RAB11FIP4: variants seen among roughly 807,000 people sequenced by gnomAD.
RAB11FIP4 encodes RAB11 family interacting protein 4, also known as rab11 family-interacting protein 4.
In RAB11FIP4, 23 loss-of-function variants were observed where a neutral mutation model predicts 74.3. That is an observed-to-expected ratio of 0.31 (90% CI 0.22 to 0.44). RAB11FIP4 has a LOEUF of 0.44. RAB11FIP4 is among the 20% of genes least tolerant of loss of function. The pLI, the probability that RAB11FIP4 is intolerant of heterozygous loss-of-function variation, is 1.00. For synonymous variants in RAB11FIP4, 360 were observed against 359.9 expected, an observed-to-expected ratio of 1.00 and a Z score of 0.00; for missense variants, 630 against 863.9, an observed-to-expected ratio of 0.73 and a Z score of 3.39.
intron 3 of RAB11FIP4, among the ~76,000 whole-genome samples, chr17:31,460,891 C>T (rs761788037): frequency 5.9e-5 from 9 of 152,028 alleles, no homozygotes; most frequent in African/African-American, 1.2e-4. Flanking sequence ...CCACCACGCC[C>T]GGCCATGTGT....
intron 3 of RAB11FIP4, among the ~76,000 whole-genome samples, chr17:31,513,862 C>T (rs1311983650): frequency 6.6e-6 from 1 of 152,140 alleles, no homozygotes; most frequent in Non-Finnish European, 1.5e-5. Flanking sequence ...CCTGCAGGCC[C>T]TCTGTGAACT....
intron 1 of RAB11FIP4, among the ~76,000 whole-genome samples, chr17:31,419,727 T>A (rs976666520): frequency 6.6e-6 from 1 of 152,046 alleles, no homozygotes; most frequent in Non-Finnish European, 1.5e-5. Context: ...ATTTTTTGTA[T>A]TTTTAGTAGA....
intron 3 of RAB11FIP4, among the ~76,000 whole-genome samples, chr17:31,461,130 A>C (rs2071630432): frequency 9.1e-6 from 1 of 109,458 alleles, no homozygotes; most frequent in Non-Finnish European, 1.9e-5. Context: ...CCTGACTCCC[A>C]CCCTTAGCTT....
At chr17:31,514,162 T>G (rs1481790713) in intron 3 of RAB11FIP4, among the ~76,000 whole-genome samples, 2 of 152,246 alleles carry the variant, frequency 1.3e-5, no homozygotes, top group Non-Finnish European at 2.9e-5. Context: ...CCAAGCCATT[T>G]GAGGCTGCTC....
chr17:31,430,841 GATTGA>G (rs1567653154), intron 1 of RAB11FIP4, among the ~76,000 whole-genome samples: 2 of 152,150 alleles, frequency 1.3e-5, no homozygotes, highest in Non-Finnish European at 2.9e-5. Context: ...TGGGAGCATG[GATTGA>G]ATGTGAGTGA....
chr17:31,493,944 G>A (rs2072064184), intron 3 of RAB11FIP4, among the ~76,000 whole-genome samples: 1 of 152,118 alleles, frequency 6.6e-6, no homozygotes, highest in Non-Finnish European at 1.5e-5. Context: ...TGCGTGTCAG[G>A]CAGCATTCAG....
intron 1 of RAB11FIP4, among the ~76,000 whole-genome samples, chr17:31,416,659 G>A (rs1189213013): frequency 6.6e-6 from 1 of 152,216 alleles, no homozygotes; most frequent in Non-Finnish European, 1.5e-5. Context: ...CCCCAGGAGA[G>A]GGCCAGAGCC....
intron 9 of RAB11FIP4, 56 bp downstream of exon 9, chr17:31,524,052 G>A: frequency 2.3e-6 from 3 of 1,330,054 alleles, no homozygotes; most frequent in Non-Finnish European, 3.2e-6. Context: ...ACAAAGGGGG[G>A]TCCATCTTGC....
chr17:31,517,735 G>A lies in RAB11FIP4; in HGVS notation c.421G>A (p.Ala141Thr). The A allele has an allele frequency of 6.3e-7, 1 of 1,595,810 alleles. No homozygotes were observed. The highest frequency in any genetic ancestry group is 8.5e-7 in the Non-Finnish European group (1 of 1,171,786). ...PGFFPEDEEE[A>T]MTLAPPEGPQ... ...CTTTTTTCCCGAGGACGAGGAGGAG[G>A]CTATGACGCTGGCGCCACCTGAGGG... Residue 141 changes from alanine to threonine, a missense_variant, in exon 4 of 15, where the codon GCT (alanine) becomes ACT (threonine). Transcript: ENST00000621161.
rs185730429 is a variant in RAB11FIP4, at chr17:31,479,802, T to C, written c.337-37849T>C. 2.9e-3 allele frequency among the ~76,000 whole-genome samples: 438 copies of C among 152,300 alleles called. 2 individuals carry two copies. The highest frequency in any genetic ancestry group is 0.01 in the African/African-American group (418 of 41,572). On this transcript the variant is annotated intron_variant, in intron 3 of 14. Coordinates refer to ENST00000621161, the MANE Select transcript of RAB11FIP4 (RefSeq NM_032932.6). ...TCCCAACCACCTCCCTTTTCTAGGATTGGTGTGGGTCCATCTGCCGTTAGC... is the reference window on the plus strand; with the variant it reads ...TCCCAACCACCTCCCTTTTCTAGGACTGGTGTGGGTCCATCTGCCGTTAGC...
At chr17:31,474,877 A>C (rs200835765) in intron 3 of RAB11FIP4, among the ~76,000 whole-genome samples, 93 of 34,358 alleles carry the variant, frequency 2.7e-3, no homozygotes, top group East Asian at 5.8e-3. Context: ...AAACAAAACA[A>C]AAAACAAAAA....
At chr17:31,413,375 G>A (rs2071116862) in intron 1 of RAB11FIP4, among the ~76,000 whole-genome samples, 1 of 152,094 alleles carries the variant, frequency 6.6e-6, no homozygotes. Flanking sequence ...CTGAGAGCCA[G>A]AGATGTCAAC....
At chr17:31,418,083 T>C (rs985291049) in intron 1 of RAB11FIP4, among the ~76,000 whole-genome samples, 1 of 152,072 alleles carries the variant, frequency 6.6e-6, no homozygotes, top group African/African-American at 2.4e-5. Flanking sequence ...AGTGAGACCC[T>C]GTCTATAACA....
intron 1 of RAB11FIP4, among the ~76,000 whole-genome samples, chr17:31,396,787 G>A (rs1215791207): frequency 3.3e-5 from 5 of 152,154 alleles, no homozygotes; most frequent in Non-Finnish European, 7.3e-5. Context: ...TTTGAAGACC[G>A]TCCTTCTTGC....
chr17:31,405,027 T>C (rs9906821), intron 1 of RAB11FIP4, among the ~76,000 whole-genome samples: 10,260 of 151,948 alleles, frequency 0.068, 1,175 homozygotes, highest in African/African-American at 0.23. Flanking sequence ...CCCAAAGGTT[T>C]CGGGATAAAA....
intron 3 of RAB11FIP4, among the ~76,000 whole-genome samples, chr17:31,442,746 G>A (rs2071417693): frequency 6.6e-6 from 1 of 152,072 alleles, no homozygotes; most frequent in Non-Finnish European, 1.5e-5. Flanking sequence ...GATCACCTGA[G>A]GTCAGGAGTT....
rs1226630986 is a variant in RAB11FIP4 at position 31,488,414 on chromosome 17, G to A, written c.337-29237G>A. 4 of 948,432 alleles carry A rather than the reference G, an allele frequency of 4.2e-6. No homozygotes were observed. The East Asian group carries it at 2.3e-4, about 53-fold the overall frequency. 58.8% of individuals were successfully genotyped at this position (948,432 alleles called of 1,614,324 possible). ...TACCTGAGCCATCTCGTTCGGCCGC[G>A]AGTAGAAGCCGCTGCCAGGTGCGCG... is the stretch of plus-strand genomic sequence containing the variant. On this transcript the variant is annotated intron_variant, in intron 3 of 14. Coordinates refer to ENST00000621161, the MANE Select transcript of RAB11FIP4 (RefSeq NM_032932.6).
chr17:31,409,505 A>C (rs576207642), intron 1 of RAB11FIP4, among the ~76,000 whole-genome samples: 1 of 152,156 alleles, frequency 6.6e-6, no homozygotes, highest in Non-Finnish European at 1.5e-5. Flanking sequence ...GGGGAGGAGC[A>C]GCTCCCCAGA....
intron 1 of RAB11FIP4, among the ~76,000 whole-genome samples, chr17:31,411,860 A>C (rs1028159199): frequency 1.3e-5 from 2 of 152,378 alleles, no homozygotes; most frequent in East Asian, 1.9e-4. Flanking sequence ...TCCGAGGAGA[A>C]GGTGCAGTTG....
Sources: gnomAD v4.1 joint callset for allele counts (sites outside exome capture counted in the v4.1 genomes callset) on GRCh38, gnomAD v4.1.1 for gene constraint, MANE v1.5 for transcripts, NCBI Gene and HGNC (gene_info 2026-07-23, HGNC 2026-07-21) for gene names.